DHRSX: variants seen among roughly 807,000 people sequenced by gnomAD.
DHRSX encodes polyprenol dehydrogenase.
DHRSX carries 31 observed loss-of-function variants against 34.0 expected under a neutral mutation model. The observed-to-expected ratio is 0.91, with a 90% CI of 0.69 to 1.23. The LOEUF is 1.23. Ranked by LOEUF, DHRSX falls within the 50% of genes most tolerant of loss-of-function variation. DHRSX has a pLI of 0.00. For missense variants in DHRSX, 414 were observed against 428.1 expected, an observed-to-expected ratio of 0.97 and a Z score of 0.29; for synonymous variants, 201 against 183.8, an observed-to-expected ratio of 1.09 and a Z score of -0.76.
intron 2 of DHRSX, among the ~76,000 whole-genome samples, chrX:2,410,563 A>T (rs1283444758): frequency 1.3e-5 from 2 of 152,202 alleles, no homozygotes; most frequent in African/African-American, 4.8e-5. Flanking sequence ...AACACGGCGT[A>T]TTGAATTTAC....
At chrX:2,335,224 AGG>A (rs1220851434) in intron 3 of DHRSX, among the ~76,000 whole-genome samples, 4 of 151,408 alleles carry the variant, frequency 2.6e-5, no homozygotes, top group Non-Finnish European at 5.9e-5. Flanking sequence ...GCCACAGTTG[AGG>A]ACGCACCCAT....
At chrX:2,419,648 A>T (rs1449784880) in intron 2 of DHRSX, among the ~76,000 whole-genome samples, 1 of 152,054 alleles carries the variant, frequency 6.6e-6, no homozygotes, top group South Asian at 2.1e-4. Flanking sequence ...ATCAAAAATG[A>T]TGAGTTCATG....
intron 4 of DHRSX, among the ~76,000 whole-genome samples, chrX:2,276,782 AG>A (rs1197079707): frequency 7.0e-6 from 1 of 142,214 alleles, no homozygotes; most frequent in African/African-American, 2.6e-5. Flanking sequence ...GGAAGAGAGA[AG>A]GAGAGGGAGG....
intron 3 of DHRSX, among the ~76,000 whole-genome samples, chrX:2,304,339 T>TGATGGATG (rs778314078): frequency 0.18 from 20,728 of 117,110 alleles, 1,923 homozygotes; most frequent in Middle Eastern, 0.26. Context: ...ATGGATGAAC[T>TGATGGATG]GATGGATGGA....
At chrX:2,408,196 C>A (rs1387185680) in intron 3 of DHRSX, among the ~76,000 whole-genome samples, 1 of 151,854 alleles carries the variant, frequency 6.6e-6, no homozygotes, top group African/African-American at 2.4e-5. Flanking sequence ...CTGCCTCAGC[C>A]TCCTGGGTCA....
chrX:2,469,757 T>C (rs2044560751), intron 1 of DHRSX, among the ~76,000 whole-genome samples: 1 of 151,226 alleles, frequency 6.6e-6, no homozygotes, highest in African/African-American at 2.4e-5. Context: ...ACCGACACCA[T>C]GTACACACTG....
At chrX:2,286,043 G>A (rs2041801085) in intron 4 of DHRSX, among the ~76,000 whole-genome samples, 1 of 151,648 alleles carries the variant, frequency 6.6e-6, no homozygotes, top group African/African-American at 2.4e-5. Context: ...CGTACATCTG[G>A]CTCAAGCCTC....
chrX:2,416,469 G>A (rs987645622), intron 2 of DHRSX, among the ~76,000 whole-genome samples: 5 of 152,224 alleles, frequency 3.3e-5, no homozygotes, highest in African/African-American at 7.2e-5. Context: ...ACCAATCTGC[G>A]GCTAAACCTG....
chrX:2,359,507 G>A (rs1458693938), intron 3 of DHRSX, among the ~76,000 whole-genome samples: 2 of 151,992 alleles, frequency 1.3e-5, no homozygotes, highest in African/African-American at 4.8e-5. Context: ...GTGAAACCCC[G>A]TCTCTACTAA....
At chrX:2,461,821 T>C (rs2044406093) in intron 1 of DHRSX, among the ~76,000 whole-genome samples, 1 of 152,160 alleles carries the variant, frequency 6.6e-6, no homozygotes. Flanking sequence ...CACCTCTGCC[T>C]CCTCAGTAGC....
intron 1 of DHRSX, among the ~76,000 whole-genome samples, chrX:2,427,348 G>A (rs891141770): frequency 3.9e-5 from 6 of 152,196 alleles, no homozygotes; most frequent in African/African-American, 1.2e-4. Context: ...CAGACAGGGC[G>A]TCATCACGGG....
At position 2,407,256 on chromosome X, in the gene DHRSX, T is replaced by C. The variant is rs952543649; in HGVS notation, c.286+1489A>G. Among the ~76,000 whole-genome samples the C allele has an allele frequency of 3.9e-5, 6 of 152,112 alleles. 1 individual carries two copies. Among genetic ancestry groups the C allele is most frequent in the African/African-American group, 1.4e-4 (6 of 41,426 alleles). On this transcript the variant is annotated intron_variant, in intron 3 of 6. Transcript: ENST00000334651. ...CTGAGCGACGGATGAACAAATGCAC[T>C]CAGACACAGATTTCCAGTGAAAGCG...
At chrX:2,379,595 GTT>G (rs749144665) in intron 3 of DHRSX, among the ~76,000 whole-genome samples, 1,340 of 104,024 alleles carry the variant, frequency 0.013, 61 homozygotes, top group East Asian at 0.12. Context: ...GGCAGTGGAG[GTT>G]TTTTTTTTTT....
intron 3 of DHRSX, among the ~76,000 whole-genome samples, chrX:2,303,869 GTGGATGGGTGGA>G (rs1569485740): frequency 2.8e-5 from 3 of 108,344 alleles, no homozygotes; most frequent in Admixed American, 1.8e-4. Flanking sequence ...GGGTGGATGG[GTGGATGGGTGGA>G]TGGATGGATG....
chrX:2,417,631 G>C (rs1410247856), intron 2 of DHRSX, among the ~76,000 whole-genome samples: 1 of 149,500 alleles, frequency 6.7e-6, no homozygotes, highest in African/African-American at 2.5e-5. Context: ...AATGTGACCT[G>C]ACCCAACTAG....
intron 4 of DHRSX, 108 bp from the exon 5 acceptor site, chrX:2,267,055 G>T: frequency 3.5e-6 from 4 of 1,132,844 alleles, no homozygotes; most frequent in South Asian, 1.3e-5. Flanking sequence ...GGAGGGTGGG[G>T]TGTAGAGCTG....
intron 3 of DHRSX, among the ~76,000 whole-genome samples, chrX:2,363,121 G>T (rs1293280200): frequency 7.9e-6 from 1 of 126,550 alleles, no homozygotes; most frequent in African/African-American, 3.0e-5. Context: ...TTTTATCACC[G>T]TTCTATGGTA....
chrX:2,470,353 G>A (rs925702978), intron 1 of DHRSX, among the ~76,000 whole-genome samples: 32 of 151,372 alleles, frequency 2.1e-4, no homozygotes, highest in African/African-American at 7.5e-4. Context: ...CTGGAGGCCA[G>A]GAGTTTGAGA....
chrX:2,251,052 A>G (rs73628254), intron 5 of DHRSX, among the ~76,000 whole-genome samples: 5,651 of 152,188 alleles, frequency 0.037, 362 homozygotes, highest in African/African-American at 0.13. Flanking sequence ...GCATGAGGAC[A>G]AGTGACTCCC....
Sources: gnomAD v4.1 joint callset for allele counts (sites outside exome capture counted in the v4.1 genomes callset) on GRCh38, gnomAD v4.1.1 for gene constraint, MANE v1.5 for transcripts, NCBI Gene and HGNC (gene_info 2026-07-23, HGNC 2026-07-21) for gene names.